Variants in CRYL1 observed in about 807,000 individuals in gnomAD.
CRYL1 encodes the protein crystallin lambda 1.
Under a neutral mutation model 36.6 loss-of-function variants are expected in CRYL1, and 29 were observed. That is an observed-to-expected ratio of 0.79 (90% CI 0.59 to 1.08). The LOEUF is 1.08. Among genes scored for constraint, CRYL1 ranks in the 50% least tolerant of loss-of-function variants. The pLI, the probability that CRYL1 is intolerant of heterozygous loss-of-function variation, is 0.00. For synonymous variants in CRYL1, 152 were observed against 151.5 expected (o/e 1.00, Z -0.02); for missense variants, 411 against 407.9 (o/e 1.01, Z -0.06).
At chr13:20,508,119 C>G (rs2033837558) in intron 2 of CRYL1, among the ~76,000 whole-genome samples, 1 of 152,004 alleles carries the variant, frequency 6.6e-6, no homozygotes, top group Non-Finnish European at 1.5e-5. Flanking sequence ...ATCCCAGCTA[C>G]TTGGGAGCCT....
At chr13:20,514,127 C>A (rs570740333) in intron 1 of CRYL1, among the ~76,000 whole-genome samples, 13 of 152,270 alleles carry the variant, frequency 8.5e-5, no homozygotes, top group African/African-American at 3.1e-4. Flanking sequence ...TGTAGTTACT[C>A]CCCCTTAGGC....
At position 20,431,798 on chromosome 13, in the gene CRYL1, C is replaced by T. The variant is rs2032066567; in HGVS notation, c.633+304G>A. The T allele has an allele frequency of 3.9e-6, 5 of 1,297,394 alleles. No homozygotes were observed. The South Asian group carries it at 7.9e-5, about 21-fold the overall frequency. 80.4% of individuals were successfully genotyped at this position (1,297,394 alleles called of 1,614,324 possible). ...TGCCTCTGTGGGAAAATGCAGTGGG[C>T]CACATAGGTTATTATGTCTAATGCT... On this transcript the variant is annotated intron_variant, in intron 5 of 7. Transcript: ENST00000298248.
intron 3 of CRYL1, 31 bp from the exon 4 acceptor site, chr13:20,439,785 T>G (rs188705213): frequency 6.2e-7 from 1 of 1,603,928 alleles, no homozygotes; most frequent in South Asian, 1.1e-5. Context: ...TGACTATTCA[T>G]GACCACTCGA....
chr13:20,482,912 C>G (rs760811833), intron 3 of CRYL1, among the ~76,000 whole-genome samples: 7 of 152,150 alleles, frequency 4.6e-5, no homozygotes, highest in Non-Finnish European at 8.8e-5. Flanking sequence ...CATTGGAGAT[C>G]ATTATATTAA....
chr13:20,466,265 TAAAC>T (rs1430137841), intron 3 of CRYL1, among the ~76,000 whole-genome samples: 8 of 152,226 alleles, frequency 5.3e-5, no homozygotes, highest in African/African-American at 1.7e-4. Context: ...TAGGAATTCT[TAAAC>T]AAGTGTTAAG....
intron 5 of CRYL1, chr13:20,431,393 C>T (rs987955315): frequency 2.0e-6 from 2 of 985,316 alleles, no homozygotes; most frequent in African/African-American, 3.5e-5. Flanking sequence ...GTCTTGCCTT[C>T]CCCCTGCAGA....
chr13:20,413,384 CT>C lies in CRYL1; in HGVS notation c.636del (p.Gly213GlufsTer37), dbSNP rs1195182811. The C allele has an allele frequency of 1.1e-5, 18 of 1,605,770 alleles. No homozygotes were observed. Among genetic ancestry groups the C allele is most frequent in the Non-Finnish European group, 1.5e-5 (18 of 1,173,908 alleles). On this transcript the variant is annotated frameshift_variant and splice_region_variant, in exon 6 of 8. Transcript: ENST00000298248. LOFTEE classifies it high-confidence loss of function. ...TCCAGGTCACTAGGAGACACGATTC[CT>C]TCCTACGTGGAGAAATTGGGCGGCA... Reference protein sequence around the residue: ...IISEAWRLVEEGIVSPSDLDL... With the variant: ...IISEAWRLVEXGIVSPSDLDL...
chr13:20,407,919 C>T (rs1184237003), intron 6 of CRYL1, among the ~76,000 whole-genome samples: 2 of 152,122 alleles, frequency 1.3e-5, no homozygotes, highest in Non-Finnish European at 2.9e-5. Flanking sequence ...CCAGAGGAGG[C>T]CTTAACCCCA....
intron 3 of CRYL1, among the ~76,000 whole-genome samples, chr13:20,462,657 C>G (rs531624950): frequency 2.6e-5 from 4 of 151,600 alleles, no homozygotes; most frequent in African/African-American, 7.3e-5. Context: ...ATGTAAAGCT[C>G]TCATCGGAAG....
At chr13:20,431,181 C>T (rs1388672055) in intron 5 of CRYL1, 4 of 985,406 alleles carry the variant, frequency 4.1e-6, no homozygotes, top group Non-Finnish European at 4.8e-6. Context: ...AAATGCAACA[C>T]TCAAGGAAGC....
chr13:20,493,933 G>A (rs1052526820), intron 2 of CRYL1, among the ~76,000 whole-genome samples: 1 of 152,214 alleles, frequency 6.6e-6, no homozygotes, highest in Non-Finnish European at 1.5e-5. Context: ...CAGAGATGGT[G>A]TCCTGTATCT....
At chr13:20,511,802 C>T (rs1375682544) in intron 2 of CRYL1, among the ~76,000 whole-genome samples, 2 of 152,212 alleles carry the variant, frequency 1.3e-5, no homozygotes, top group Admixed American at 6.5e-5. Context: ...CTGTCCTTGA[C>T]CTCCCTCACT....
chr13:20,470,690 C>T (rs1209257556), intron 3 of CRYL1, among the ~76,000 whole-genome samples: 2 of 151,822 alleles, frequency 1.3e-5, no homozygotes, highest in Non-Finnish European at 2.9e-5. Flanking sequence ...AGGTGGATCA[C>T]CTGAGGTCAG....
rs143364800 is a variant in CRYL1 at position 20,438,710 on chromosome 13, C to T, written c.438+883G>A. Among the ~76,000 whole-genome samples the T allele has an allele frequency of 2.4e-3, 360 of 152,272 alleles. 2 individuals carry two copies. Among genetic ancestry groups the T allele is most frequent in the African/African-American group, 8.2e-3 (342 of 41,552 alleles). ...GGCTGGGCCCTCTGTGTTGCTTCTC[C>T]CTGATCCGAACCTCTGACAACCTGG... On this transcript the variant is annotated intron_variant, in intron 4 of 7. Transcript: ENST00000298248.
intron 6 of CRYL1, among the ~76,000 whole-genome samples, chr13:20,405,037 A>G (rs2031329444): frequency 6.6e-6 from 1 of 152,208 alleles, no homozygotes; most frequent in Non-Finnish European, 1.5e-5. Context: ...TGGGAGGCCA[A>G]GGCGGGTAGA....
At chr13:20,420,096 C>G (rs373318167) in intron 5 of CRYL1, among the ~76,000 whole-genome samples, 25 of 152,262 alleles carry the variant, frequency 1.6e-4, no homozygotes, top group Admixed American at 5.2e-4. Context: ...CACAGACATT[C>G]CTGCGGAATG....
At chr13:20,498,373 A>ACT (rs2033650074) in intron 2 of CRYL1, among the ~76,000 whole-genome samples, 1 of 151,100 alleles carries the variant, frequency 6.6e-6, no homozygotes, top group Non-Finnish European at 1.5e-5. Context: ...ACTTACACAC[A>ACT]CTACGCACAC....
chr13:20,498,827 T>C (rs889058505), intron 2 of CRYL1, among the ~76,000 whole-genome samples: 1 of 152,162 alleles, frequency 6.6e-6, no homozygotes, highest in Non-Finnish European at 1.5e-5. Context: ...AAAGAGAAAA[T>C]GTTTTTGTAT....
At chr13:20,483,728 A>G (rs2033329526) in intron 3 of CRYL1, among the ~76,000 whole-genome samples, 1 of 151,980 alleles carries the variant, frequency 6.6e-6, no homozygotes, top group African/African-American at 2.4e-5. Flanking sequence ...TTTGGTAGAG[A>G]CGGGGTTTCA....
Sources: gnomAD v4.1 joint callset for allele counts (sites outside exome capture counted in the v4.1 genomes callset) on GRCh38, gnomAD v4.1.1 for gene constraint, MANE v1.5 for transcripts, NCBI Gene and HGNC (gene_info 2026-07-23, HGNC 2026-07-21) for gene names.